The following SRBD1 variants were observed in gnomAD, a reference collection of about 807,000 sequenced individuals.
SRBD1 encodes S1 RNA binding domain 1.
Under a neutral mutation model 115.3 loss-of-function variants are expected in SRBD1, and 88 were observed. The ratio of observed to expected loss-of-function variants is 0.76; its 90% CI spans 0.64 to 0.91. The LOEUF (loss-of-function observed/expected upper bound fraction) is 0.91. Among genes scored for constraint, SRBD1 ranks in the 40% least tolerant of loss-of-function variants. The pLI is 0.00. For missense variants in SRBD1, 1,385 were observed against 1,177.4 expected, an observed-to-expected ratio of 1.18 and a Z score of -2.58; for synonymous variants, 509 against 407.7, an observed-to-expected ratio of 1.25 and a Z score of -2.99.
intron 7 of SRBD1, among the ~76,000 whole-genome samples, chr2:45,577,902 G>A (rs979222120): frequency 1.3e-5 from 2 of 152,076 alleles, no homozygotes; most frequent in Non-Finnish European, 2.9e-5. Context: ...AAGAAAGAGG[G>A]AGTAAAGCAA....
At chr2:45,559,366 C>T (rs1444397001) in intron 10 of SRBD1, among the ~76,000 whole-genome samples, 3 of 152,184 alleles carry the variant, frequency 2.0e-5, no homozygotes, top group Non-Finnish European at 4.4e-5. Flanking sequence ...CATGTCACTT[C>T]TCTTCCTTCT....
intron 16 of SRBD1, among the ~76,000 whole-genome samples, chr2:45,429,338 CA>C (rs1308915414): frequency 1.3e-5 from 2 of 151,600 alleles, no homozygotes; most frequent in Non-Finnish European, 2.9e-5. Context: ...GCAGAAACAA[CA>C]AAAAAAGAAA....
intron 3 of SRBD1, among the ~76,000 whole-genome samples, chr2:45,600,743 A>T (rs1341317550): frequency 6.6e-6 from 1 of 152,198 alleles, no homozygotes; most frequent in Non-Finnish European, 1.5e-5. Flanking sequence ...AATAAGATAA[A>T]GACCCTACCC....
chr2:45,572,431 T>C (rs958826515), intron 9 of SRBD1, among the ~76,000 whole-genome samples: 1 of 152,128 alleles, frequency 6.6e-6, no homozygotes, highest in Admixed American at 6.6e-5. Flanking sequence ...TGATGGTACA[T>C]TTTATGTTAT....
chr2:45,456,303 C>A (rs989310367), intron 16 of SRBD1, among the ~76,000 whole-genome samples: 16 of 151,702 alleles, frequency 1.1e-4, no homozygotes, highest in Non-Finnish European at 1.8e-4. Flanking sequence ...TTCTGCTGAC[C>A]GAGGTGAGAG....
At chr2:45,476,421 A>G (rs1669804028) in intron 16 of SRBD1, among the ~76,000 whole-genome samples, 1 of 152,198 alleles carries the variant, frequency 6.6e-6, no homozygotes, top group Non-Finnish European at 1.5e-5. Context: ...CAAGGAGGAA[A>G]ACAATGTGAC....
intron 19 of SRBD1, among the ~76,000 whole-genome samples, chr2:45,408,755 A>G (rs932165266): frequency 1.3e-5 from 2 of 152,226 alleles, no homozygotes. Flanking sequence ...TAGCACTACT[A>G]TAACTAAAAT....
intron 14 of SRBD1, among the ~76,000 whole-genome samples, chr2:45,525,059 T>C (rs1266629720): frequency 6.6e-6 from 1 of 151,916 alleles, no homozygotes; most frequent in Non-Finnish European, 1.5e-5. Context: ...TTTCAACAAA[T>C]GTCGGTAGGA....
chr2:45,477,027 A>G lies in SRBD1; in HGVS notation c.2015T>C (p.Ile672Thr), dbSNP rs1669824118. The G allele has an allele frequency of 3.1e-6, 5 of 1,613,680 alleles. No individual in the cohort carries two copies. The highest frequency in any genetic ancestry group is 1.3e-5 in the African/African-American group (1 of 74,906). ...TCCAACTCCAATGTGCTTTGGCTCA[A>G]TTTTCACTAGCTCAGCTAATGGATC... ...VQDPLAELVK[I>T]EPKHIGVGMY... is the part of the protein sequence containing the mutation. The change falls in exon 16 of 21, where the codon ATT (isoleucine) becomes ACT (threonine). Residue 672 changes from isoleucine to threonine, a missense_variant. By Grantham distance (89) the Ile-to-Thr change is moderately conservative. Transcript: ENST00000263736.
chr2:45,547,487 C>A (rs1311296183), intron 13 of SRBD1, 35 bp downstream of exon 13: 1 of 1,577,552 alleles, frequency 6.3e-7, no homozygotes, highest in Admixed American at 1.7e-5. Context: ...TTGACTGAGC[C>A]ACTGATATAT....
At chr2:45,516,418 T>A (rs1346324908) in intron 14 of SRBD1, among the ~76,000 whole-genome samples, 1 of 152,202 alleles carries the variant, frequency 6.6e-6, no homozygotes, top group Non-Finnish European at 1.5e-5. Context: ...TCGGCCATCC[T>A]TAAAAATGAT....
At chr2:45,534,215 C>A (rs891093447) in intron 14 of SRBD1, among the ~76,000 whole-genome samples, 23 of 151,868 alleles carry the variant, frequency 1.5e-4, no homozygotes, top group African/African-American at 5.6e-4. Flanking sequence ...GTCTCCTTTC[C>A]CAACATACTT....
At chr2:45,567,826 G>A (rs780049204) in intron 9 of SRBD1, 1 of 152,066 alleles carries the variant, frequency 6.6e-6, no homozygotes, top group African/African-American at 2.4e-5. Context: ...CAATATAGAG[G>A]AGAGTTATTT....
At chr2:45,439,089 T>C (rs1668584160) in intron 16 of SRBD1, among the ~76,000 whole-genome samples, 1 of 151,958 alleles carries the variant, frequency 6.6e-6, no homozygotes, top group African/African-American at 2.4e-5. Flanking sequence ...ATCTTTAAAG[T>C]GCTGCACACA....
At chr2:45,556,607 C>T (rs545844009) in intron 10 of SRBD1, among the ~76,000 whole-genome samples, 1 of 151,998 alleles carries the variant, frequency 6.6e-6, no homozygotes, top group Non-Finnish European at 1.5e-5. Flanking sequence ...GGACTACAGA[C>T]GTGCGCCATC....
intron 14 of SRBD1, among the ~76,000 whole-genome samples, chr2:45,527,349 G>A (rs958037691): frequency 6.6e-6 from 1 of 151,732 alleles, no homozygotes; most frequent in Non-Finnish European, 1.5e-5. Flanking sequence ...GTACAAAGGC[G>A]GCTATATATT....
intron 16 of SRBD1, among the ~76,000 whole-genome samples, chr2:45,421,510 CA>C (rs869298079): frequency 0.011 from 238 of 22,290 alleles, no homozygotes; most frequent in East Asian, 0.042. Context: ...CCGTCTCAAA[CA>C]AAAAAAAAAA....
At chr2:45,576,966 T>C (rs1673197885) in intron 7 of SRBD1, among the ~76,000 whole-genome samples, 1 of 152,090 alleles carries the variant, frequency 6.6e-6, no homozygotes, top group South Asian at 2.1e-4. Flanking sequence ...GCTAGAGAAA[T>C]GTTGTAAAGT....
rs557612661 is a variant in SRBD1, at chr2:45,527,616, T to TATGTGC, written c.1874+19110_1874+19115dup. 2.1e-3 allele frequency among the ~76,000 whole-genome samples: 322 copies of TATGTGC among 152,024 alleles called. 2 individuals carry two copies. The Middle Eastern group carries it at 0.037, about 18-fold the overall frequency. ...CTGCTAATATTTACTGATTGTATACTATGTGCCAAGCACCATTCTAAGTAT... is the reference window on the plus strand; with the variant it reads ...CTGCTAATATTTACTGATTGTATACTATGTGCATGTGCCAAGCACCATTCTAAGTAT... On this transcript the variant is annotated intron_variant, in intron 14 of 20. Coordinates refer to ENST00000263736, the MANE Select transcript of SRBD1 (RefSeq NM_018079.5).
Sources: gnomAD v4.1 joint callset for allele counts (sites outside exome capture counted in the v4.1 genomes callset) on GRCh38, gnomAD v4.1.1 for gene constraint, MANE v1.5 for transcripts, NCBI Gene and HGNC (gene_info 2026-07-23, HGNC 2026-07-21) for gene names.